The following OVCH1 variants were observed in gnomAD, a reference collection of about 807,000 sequenced individuals.
OVCH1 encodes ovochymase-1.
A neutral mutation model predicts 138.4 loss-of-function variants in OVCH1; 139 were observed. The ratio of observed to expected loss-of-function variants is 1.00; its 90% CI spans 0.87 to 1.16. The LOEUF is 1.16. Among genes scored for constraint, OVCH1 ranks in the 50% most tolerant of loss-of-function variants. OVCH1 has a pLI of 0.00. For synonymous variants in OVCH1, 453 were observed against 467.8 expected (o/e 0.97, Z 0.41); for missense variants, 1,367 against 1,357.9 (o/e 1.01, Z -0.11).
the OVCH1 span, among the ~76,000 whole-genome samples, chr12:29,406,982 T>C: frequency 1.3e-4 from 20 of 149,690 alleles, no homozygotes; most frequent in Non-Finnish European, 2.4e-4. Flanking sequence ...TTCCTGACTT[T>C]TTAATGATTG....
the OVCH1 span, among the ~76,000 whole-genome samples, chr12:29,402,500 A>T: frequency 2.6e-5 from 4 of 152,080 alleles, no homozygotes; most frequent in African/African-American, 7.2e-5. Context: ...GAGGGAAAAG[A>T]GAAAGACAGA....
chr12:29,411,728 C>G (rs1312796932), downstream of OVCH1, among the ~76,000 whole-genome samples: 1 of 152,102 alleles, frequency 6.6e-6, no homozygotes. Context: ...GGGGTGCCTC[C>G]TAGTTAGGCT....
In OVCH1 at chr12:29,443,349, G is replaced by C. The variant is rs529945181; in HGVS notation, c.3157+12C>G. On this transcript the variant is annotated intron_variant, in intron 25 of 27. Transcript: ENST00000318184. ...AAATCAGTAGCATAGAGATTCATGGGAAATCAGTTACCTATTAATTTTTTT... is the reference window on the plus strand; with the variant it reads ...AAATCAGTAGCATAGAGATTCATGGCAAATCAGTTACCTATTAATTTTTTT... The C allele has an allele frequency of 1.9e-6, 3 of 1,607,472 alleles. No individual in the cohort carries two copies. The highest frequency in any genetic ancestry group is 2.2e-5 in the South Asian group (2 of 90,200).
chr12:29,465,651 C>T (rs1032255452), intron 16 of OVCH1, among the ~76,000 whole-genome samples: 1 of 152,176 alleles, frequency 6.6e-6, no homozygotes, highest in Non-Finnish European at 1.5e-5. Context: ...GAAGCCACAT[C>T]ATGCCTTCTG....
chr12:29,418,901 A>ATATCTCT (rs1196028045), intron 3 of OVCH1, among the ~76,000 whole-genome samples: 7 of 152,188 alleles, frequency 4.6e-5, no homozygotes, highest in Non-Finnish European at 7.3e-5. Flanking sequence ...CACTATCACC[A>ATATCTCT]ATCTGGAGTA....
chr12:29,418,646 C>T (rs1941062501), intron 3 of OVCH1, among the ~76,000 whole-genome samples: 1 of 152,148 alleles, frequency 6.6e-6, no homozygotes, highest in Non-Finnish European at 1.5e-5. Context: ...TATAGATCAT[C>T]ATGAGGACAA....
chr12:29,479,349 G>A (rs1213510102), intron 8 of OVCH1, among the ~76,000 whole-genome samples: 1 of 152,192 alleles, frequency 6.6e-6, no homozygotes, highest in East Asian at 1.9e-4. Flanking sequence ...TACAGCGTAT[G>A]CTAACCTTAA....
intron 1 of OVCH1, 127 bp from the exon 2 acceptor site, chr12:29,496,801 C>G (rs776147708): frequency 9.8e-5 from 64 of 653,020 alleles, no homozygotes; most frequent in Non-Finnish European, 1.5e-4. Flanking sequence ...TGCAGACTAC[C>G]ACATTCTTCT....
chr12:29,453,018 C>T (rs951090305), intron 21 of OVCH1, among the ~76,000 whole-genome samples: 1 of 152,152 alleles, frequency 6.6e-6, no homozygotes, highest in Admixed American at 6.6e-5. Context: ...TGAATAAGGT[C>T]ATTCAAAAAA....
Position 29,468,163 on chromosome 12 carries a change from A to G in OVCH1, c.1857-2944T>C, listed in dbSNP as rs140760371. 1.5e-3 allele frequency among the ~76,000 whole-genome samples: 221 copies of G among 152,316 alleles called. 1 individual carries two copies. The highest frequency in any genetic ancestry group is 5.2e-3 in the African/African-American group (216 of 41,578). On this transcript the variant is annotated intron_variant, in intron 16 of 27. Transcript: ENST00000318184. ...CATGTACGTTTAAATATTAGTGGAA[A>G]ATCAGACAGCTGAAACATTCTTAAT... is the stretch of plus-strand genomic sequence containing the variant.
chr12:29,481,154 C>G (rs1330527527), intron 8 of OVCH1, among the ~76,000 whole-genome samples: 1 of 151,894 alleles, frequency 6.6e-6, no homozygotes, highest in Non-Finnish European at 1.5e-5. Flanking sequence ...AGTTCAAATT[C>G]TCAAATAATT....
At chr12:29,427,173 C>T (rs1941193467), downstream of OVCH1, among the ~76,000 whole-genome samples, 4 of 152,224 alleles carry the variant, frequency 2.6e-5, no homozygotes, top group South Asian at 8.3e-4. Context: ...CTCAATCTCT[C>T]TCTAGTCACT....
At chr12:29,465,537 G>T (rs1942285530) in intron 16 of OVCH1, among the ~76,000 whole-genome samples, 1 of 152,034 alleles carries the variant, frequency 6.6e-6, no homozygotes, top group Admixed American at 6.6e-5. Context: ...GAACAGGTAG[G>T]GAGGGAAACC....
At chr12:29,491,262 A>G in intron 4 of OVCH1, 70 bp from the exon 5 acceptor site, 1 of 1,291,876 alleles carries the variant, frequency 7.7e-7, no homozygotes, top group South Asian at 1.3e-5. Flanking sequence ...GAAAAGTGAA[A>G]TCTCTTGATT....
chr12:29,439,184 T>C (rs1196636262), intron 26 of OVCH1: 1 of 599,222 alleles, frequency 1.7e-6, no homozygotes, highest in African/African-American at 1.9e-5. Context: ...CTTCCTACAA[T>C]ATGCCACCCC....
chr12:29,444,112 C>T, intron 24 of OVCH1, 33 bp downstream of exon 24: 4 of 1,561,944 alleles, frequency 2.6e-6, no homozygotes, highest in Non-Finnish European at 3.5e-6. Context: ...TTTCCACACA[C>T]TTCTTCCATT....
At chr12:29,430,708 G>A (rs1941253282) in intron 27 of OVCH1, among the ~76,000 whole-genome samples, 1 of 152,178 alleles carries the variant, frequency 6.6e-6, no homozygotes, top group South Asian at 2.1e-4. Flanking sequence ...GGTGAGCAGA[G>A]CTGGAGAATT....
intron 19 of OVCH1, among the ~76,000 whole-genome samples, chr12:29,460,103 G>T (rs1206842749): frequency 3.3e-5 from 5 of 152,100 alleles, no homozygotes; most frequent in African/African-American, 1.2e-4. Context: ...CCATATATGG[G>T]CAGTACATTT....
chr12:29,456,783 C>G (rs1189438864), intron 19 of OVCH1, among the ~76,000 whole-genome samples: 8 of 152,220 alleles, frequency 5.3e-5, no homozygotes, highest in Non-Finnish European at 1.0e-4. Flanking sequence ...ATATCCAGCA[C>G]TAACACATGC....
Sources: gnomAD v4.1 joint callset for allele counts (sites outside exome capture counted in the v4.1 genomes callset) on GRCh38, gnomAD v4.1.1 for gene constraint, MANE v1.5 for transcripts, NCBI Gene and HGNC (gene_info 2026-07-23, HGNC 2026-07-21) for gene names.